The following DCD variants were observed in gnomAD, a reference collection of about 807,000 sequenced individuals.
DCD encodes diffusible survival/evasion peptide.
A neutral mutation model predicts 14.5 loss-of-function variants in DCD; 17 were observed. That is an observed-to-expected ratio of 1.18 (90% CI 0.81 to 1.76). DCD has a LOEUF of 1.76. Ranked by LOEUF, DCD falls within the 40% of genes most tolerant of loss-of-function variation. DCD has a pLI of 0.00. For missense variants in DCD, 139 were observed against 133.4 expected (o/e 1.04, Z -0.21); for synonymous variants, 64 against 54.0 (o/e 1.19, Z -0.82).
intron 2 of DCD, among the ~76,000 whole-genome samples, chr12:54,646,780 A>T (rs1261347587): frequency 6.6e-6 from 1 of 152,120 alleles, no homozygotes; most frequent in Admixed American, 6.5e-5. Flanking sequence ...ACCACGTGAA[A>T]GGTTTTTGAA....
Position 54,644,771 on chromosome 12 carries a change from G to GA in DCD, c.290-16dup, listed in dbSNP as rs1200139072. On this transcript the variant is annotated splice_polypyrimidine_tract_variant and intron_variant, in intron 4 of 4. Coordinates refer to ENST00000293371, the MANE Select transcript of DCD (RefSeq NM_053283.4). ...ATGGACGGCTCCTAGGACAGCCACAGAAAAAAATGGGGTAAAGGGGTAGGA... is the reference window on the plus strand; with the variant it reads ...ATGGACGGCTCCTAGGACAGCCACAGAAAAAAAATGGGGTAAAGGGGTAGGA... 1.9e-6 allele frequency: 3 copies of GA among 1,600,360 alleles called. No homozygotes were observed. The highest frequency in any genetic ancestry group is 2.2e-5 in the East Asian group (1 of 44,668).
chr12:54,645,330 C>G, intron 3 of DCD, 68 bp from the exon 4 acceptor site: 1 of 1,478,900 alleles, frequency 6.8e-7, no homozygotes, highest in East Asian at 2.3e-5. Flanking sequence ...GGAGAGCTCC[C>G]CCGCTTCCTA....
At position 54,645,178 on chromosome 12, in the gene DCD, C is replaced by T. The variant is rs761084413; in HGVS notation, c.284G>A (p.Gly95Asp). The T allele has an allele frequency of 6.8e-6, 11 of 1,613,970 alleles. 1 individual carries two copies. The highest frequency in any genetic ancestry group is 2.2e-5 in the South Asian group (2 of 91,080). The change falls in exon 4 of 5, where the codon GGT becomes GAT. Residue 95 changes from glycine to aspartate, a missense_variant. By Grantham distance (94) the Gly-to-Asp change is moderately conservative. Transcript: ENST00000293371. ...KDAVEDLESV[G>D]KGAVHDVKDV... ...GAGTGGGGACATATACTCACCTTTA[C>T]CCACGCTTTCTAGATCTTCGACTGC...
At chr12:54,644,956 G>A (rs1421417636) in intron 4 of DCD, 200 bp from the exon 5 acceptor site, 1 of 1,548,712 alleles carries the variant, frequency 6.5e-7, no homozygotes, top group East Asian at 2.4e-5. Context: ...ACCTTGGCAG[G>A]GGCAGGGGGC....
Position 54,647,107 on chromosome 12 carries a change from G to C in DCD, c.97+14C>G. The C allele has an allele frequency of 6.4e-7, 1 of 1,555,748 alleles. No homozygotes were observed. Among genetic ancestry groups the C allele is most frequent in the Non-Finnish European group, 8.7e-7 (1 of 1,148,878 alleles). Reference sequence around the variant, plus strand: ...CCACCCAGGACTGGGGCAGGAGGAAGAGAAAGGACTCACGGTTCCCCGATC... The same window carrying C: ...CCACCCAGGACTGGGGCAGGAGGAACAGAAAGGACTCACGGTTCCCCGATC... On this transcript the variant is annotated intron_variant, in intron 2 of 4. Transcript: ENST00000293371.
At chr12:54,645,052 G>T (rs1958246276) in intron 4 of DCD, 121 bp downstream of exon 4, 1 of 1,481,112 alleles carries the variant, frequency 6.8e-7, no homozygotes, top group Non-Finnish European at 9.3e-7. Flanking sequence ...ATGAGGAATT[G>T]GAGACATTTG....
At chr12:54,646,697 T>C (rs1159118234) in intron 2 of DCD, among the ~76,000 whole-genome samples, 1 of 152,110 alleles carries the variant, frequency 6.6e-6, no homozygotes, top group African/African-American at 2.4e-5. Context: ...ATTTGAAAAG[T>C]ACCCTGGATC....
In DCD at chr12:54,644,671, G is replaced by T; in HGVS notation, c.*42C>A. On this transcript the variant is annotated 3_prime_UTR_variant, in exon 5 of 5. Transcript: ENST00000293371. ...TTAGGTTTTAGGCTGAAGACGTAAA[G>T]CCTGCTGCTCCTGGGTATCATTTCT... 1 of 1,224,632 alleles carries T rather than the reference G, an allele frequency of 8.2e-7. No individual in the cohort carries two copies. Among genetic ancestry groups the T allele is most frequent in the Non-Finnish European group, 1.2e-6 (1 of 844,826 alleles). 75.9% of individuals were successfully genotyped at this position (1,224,632 alleles called of 1,614,324 possible). A position where few individuals can be genotyped will look rare whatever the true frequency, so the allele number is the denominator to read the frequency against.
chr12:54,644,839 G>T, intron 4 of DCD, 83 bp from the exon 5 acceptor site: 1 of 1,553,870 alleles, frequency 6.4e-7, no homozygotes, highest in South Asian at 1.2e-5. Context: ...TGGGGAAGGA[G>T]AGGTAGGGGA....
chr12:54,647,073 T>A (rs1201530826), intron 2 of DCD, 48 bp downstream of exon 2: 3 of 1,541,220 alleles, frequency 1.9e-6, no homozygotes, highest in Non-Finnish European at 2.6e-6. Flanking sequence ...TCCCAAGTCA[T>A]TAACCCTCCC....
At chr12:54,647,851 C>A (rs144254529) in intron 1 of DCD, among the ~76,000 whole-genome samples, 96 of 152,268 alleles carry the variant, frequency 6.3e-4, no homozygotes, top group African/African-American at 2.2e-3. Flanking sequence ...ACACAGAGAG[C>A]TAGCAGGGCG....
At position 54,645,197 on chromosome 12, in the gene DCD, C is replaced by A; in HGVS notation, c.265G>T (p.Glu89Ter). Residue 89 changes from glutamate (E) to a stop codon, truncating the protein, a stop_gained, in exon 4 of 5, where the codon GAA becomes TAA. Coordinates refer to ENST00000293371, the MANE Select transcript of DCD (RefSeq NM_053283.4). LOFTEE classifies it low-confidence loss of function (END_TRUNC). ...CCTTTACCCACGCTTTCTAGATCTT[C>A]GACTGCATCTTTTCCTAGTTTTCCG... ...GLGKLGKDAV[E>*]DLESVGKGAV... 6.2e-7 allele frequency: 1 copy of A among 1,614,086 alleles called. No homozygotes were observed. Among genetic ancestry groups the A allele is most frequent in the Non-Finnish European group, 8.5e-7 (1 of 1,179,998 alleles).
At chr12:54,647,388 A>G (rs924968609) in intron 1 of DCD, among the ~76,000 whole-genome samples, 7 of 152,166 alleles carry the variant, frequency 4.6e-5, no homozygotes, top group African/African-American at 1.7e-4. Context: ...GAACATCCCT[A>G]TGGAAATGGA....
At chr12:54,648,116 G>T in intron 1 of DCD, 130 bp downstream of exon 1, 1 of 978,000 alleles carries the variant, frequency 1.0e-6, no homozygotes, top group Non-Finnish European at 1.5e-6. Context: ...GAACCTAGTG[G>T]GAGGCAGGAG....
intron 2 of DCD, 147 bp from the exon 3 acceptor site, chr12:54,645,854 G>A (rs1958256360): frequency 3.0e-6 from 2 of 655,968 alleles, no homozygotes; most frequent in Admixed American, 2.5e-5. Flanking sequence ...CTTTCATGAT[G>A]TGTTAGGTTC....
chr12:54,645,703 GC>G lies in DCD; in HGVS notation c.101del (p.Cys34SerfsTer18), dbSNP rs1373138597. On this transcript the variant is annotated frameshift_variant, in exon 3 of 5. Coordinates refer to ENST00000293371, the MANE Select transcript of DCD (RefSeq NM_053283.4). LOFTEE classifies it high-confidence loss of function. Reference protein sequence around the residue: ...AASAPGSGNPCHEASAAQKEN... With the variant: ...AASAPGSGNPXHEASAAQKEN... ...CCTTTTGAGCTGCTGATGCTTCATGGCAAGCTGCAAGGGTAAGGGAGTGAGA... is the reference window on the plus strand; with the variant it reads ...CCTTTTGAGCTGCTGATGCTTCATGGAAGCTGCAAGGGTAAGGGAGTGAGA... 1 of 1,613,472 alleles carries G rather than the reference GC, an allele frequency of 6.2e-7. No homozygotes were observed. The highest frequency in any genetic ancestry group is 8.5e-7 in the Non-Finnish European group (1 of 1,179,558).
At chr12:54,644,943 C>T in intron 4 of DCD, 187 bp from the exon 5 acceptor site, 2 of 1,549,062 alleles carry the variant, frequency 1.3e-6, no homozygotes, top group Non-Finnish European at 1.7e-6. Flanking sequence ...ACCTCTCTTC[C>T]CCACCTTGGC....
At chr12:54,646,869 A>G (rs1958265339) in intron 2 of DCD, among the ~76,000 whole-genome samples, 1 of 152,002 alleles carries the variant, frequency 6.6e-6, no homozygotes, top group Non-Finnish European at 1.5e-5. Flanking sequence ...TGCTCAAGAA[A>G]AGTATTCTTT....
intron 4 of DCD, 28 bp downstream of exon 4, chr12:54,645,145 T>G: frequency 3.1e-6 from 5 of 1,609,468 alleles, no homozygotes; most frequent in Non-Finnish European, 4.3e-6. Context: ...AGGCTGGTCC[T>G]GAGGGAGGAG....
Sources: gnomAD v4.1 joint callset for allele counts (sites outside exome capture counted in the v4.1 genomes callset) on GRCh38, gnomAD v4.1.1 for gene constraint, MANE v1.5 for transcripts, NCBI Gene and HGNC (gene_info 2026-07-23, HGNC 2026-07-21) for gene names.